The following FGF12 variants were observed in gnomAD, a reference collection of about 807,000 sequenced individuals.
The protein encoded by FGF12 is fibroblast growth factor 12B.
In FGF12, 14 loss-of-function variants were observed where a neutral mutation model predicts 23.6. The observed-to-expected ratio is 0.59, with a 90% CI of 0.39 to 0.93. FGF12 has a LOEUF of 0.93. FGF12 is among the 40% of genes least tolerant of loss of function. FGF12 has a pLI of 0.00. For missense variants in FGF12, 175 were observed against 217.8 expected, an observed-to-expected ratio of 0.80 and a Z score of 1.24; for synonymous variants, 62 against 77.3, an observed-to-expected ratio of 0.80 and a Z score of 1.04.
chr3:192,271,609 A>G (rs992801766), intron 4 of FGF12, among the ~76,000 whole-genome samples: 1 of 152,202 alleles, frequency 6.6e-6, no homozygotes, highest in African/African-American at 2.4e-5. Flanking sequence ...TACTAATGGT[A>G]TCTTCCAACC....
At chr3:192,482,050 GCTA>G (rs1209990695) in intron 2 of FGF12, among the ~76,000 whole-genome samples, 3 of 152,144 alleles carry the variant, frequency 2.0e-5, no homozygotes. Flanking sequence ...CCCAATGTTT[GCTA>G]CTATGTCATT....
intron 4 of FGF12, chr3:192,268,550 G>C: frequency 9.3e-6 from 2 of 215,622 alleles, no homozygotes; most frequent in Admixed American, 4.5e-5. Flanking sequence ...TCATCCCCTT[G>C]ATGATAAGTG....
rs72302822 is a variant in FGF12 at position 192,256,439 on chromosome 3, TTA to T, written c.228+78920_228+78921del. Among the ~76,000 whole-genome samples, 1,256 of 151,808 alleles carry T rather than the reference TTA, an allele frequency of 8.3e-3. 14 individuals carry two copies. The highest frequency in any genetic ancestry group is 0.029 in the African/African-American group (1,211 of 41,478). ...GTTACTGTATAGATATTTACATATT[TTA>T]TGTTTACTTATAAATATAAATTGTA... On this transcript the variant is annotated intron_variant, in intron 4 of 5. Coordinates refer to ENST00000445105, the MANE Select transcript of FGF12 (RefSeq NM_004113.6).
At chr3:192,179,201 A>G (rs945214862) in intron 4 of FGF12, among the ~76,000 whole-genome samples, 1 of 152,166 alleles carries the variant, frequency 6.6e-6, no homozygotes, top group African/African-American at 2.4e-5. Context: ...TGACTAGAAC[A>G]AGTCTAATTT....
chr3:192,340,453 GCAATCCCAGTAAA>G (rs1396348824), intron 3 of FGF12, among the ~76,000 whole-genome samples: 1 of 152,064 alleles, frequency 6.6e-6, no homozygotes, highest in Non-Finnish European at 1.5e-5. Flanking sequence ...GTGTATATTA[GCAATCCCAGTAAA>G]CATTTGCAGA....
chr3:192,621,690 C>CAAAAAAAAAA (rs5855441), intron 2 of FGF12, among the ~76,000 whole-genome samples: 116 of 94,214 alleles, frequency 1.2e-3, no homozygotes, highest in African/African-American at 3.0e-3. Flanking sequence ...GATACAAATA[C>CAAAAAAAAAA]AAAAAAAAAA....
intron 2 of FGF12, among the ~76,000 whole-genome samples, chr3:192,418,401 T>C (rs988289208): frequency 1.3e-5 from 2 of 152,056 alleles, no homozygotes; most frequent in Admixed American, 1.3e-4. Context: ...AGTCAAGAAG[T>C]TGTTGGGTTT....
chr3:192,715,676 A>G (rs964512375), intron 2 of FGF12, among the ~76,000 whole-genome samples: 5 of 152,202 alleles, frequency 3.3e-5, no homozygotes, highest in African/African-American at 1.2e-4. Flanking sequence ...CACACAGACA[A>G]TGTGATGGTA....
chr3:192,609,597 A>C (rs1276070728), intron 2 of FGF12, among the ~76,000 whole-genome samples: 2 of 152,026 alleles, frequency 1.3e-5, no homozygotes, highest in African/African-American at 4.8e-5. Context: ...TCATTATTAC[A>C]CTACTCTGAA....
intron 2 of FGF12, among the ~76,000 whole-genome samples, chr3:192,711,670 CAT>C (rs1718687090): frequency 6.6e-6 from 1 of 152,136 alleles, no homozygotes; most frequent in African/African-American, 2.4e-5. Context: ...CTCTCTGAAA[CAT>C]GTACCGTGTC....
chr3:192,237,782 A>AT (rs1021078476), intron 4 of FGF12, among the ~76,000 whole-genome samples: 10 of 152,158 alleles, frequency 6.6e-5, no homozygotes, highest in African/African-American at 2.4e-4. Flanking sequence ...TCCTGTAACT[A>AT]TATGTGGTTC....
intron 4 of FGF12, among the ~76,000 whole-genome samples, chr3:192,188,735 G>A (rs1716624497): frequency 6.6e-6 from 1 of 152,168 alleles, no homozygotes. Context: ...TCATTTCTAT[G>A]AGCGTTGGAC....
At chr3:192,292,065 A>G (rs939804170) in intron 4 of FGF12, among the ~76,000 whole-genome samples, 1 of 152,208 alleles carries the variant, frequency 6.6e-6, no homozygotes, top group Non-Finnish European at 1.5e-5. Context: ...CCAAAATATG[A>G]AAATGGCTAA....
rs1179863301 is a variant in FGF12 at position 192,168,169 on chromosome 3, C to T, written c.427+2289G>A. On this transcript the variant is annotated intron_variant, in intron 5 of 5. Transcript: ENST00000445105. Reference sequence around the variant, plus strand: ...GTGGATTTCTTTTCTTCATACTTTCCTAAATTTTCCAAAATTGTTAATGAC... The same window carrying T: ...GTGGATTTCTTTTCTTCATACTTTCTTAAATTTTCCAAAATTGTTAATGAC... Among the ~76,000 whole-genome samples, 3 of 151,936 alleles carry T rather than the reference C, an allele frequency of 2.0e-5. No individual in the cohort carries two copies. The South Asian group carries it at 6.2e-4, about 32-fold the overall frequency.
chr3:192,214,114 G>A (rs762047704), intron 4 of FGF12, among the ~76,000 whole-genome samples: 16 of 152,110 alleles, frequency 1.1e-4, no homozygotes, highest in East Asian at 1.9e-4. Flanking sequence ...CTTTTCCTTC[G>A]ACAGAGACGG....
chr3:192,520,963 C>T (rs761864948), intron 2 of FGF12, among the ~76,000 whole-genome samples: 1 of 152,134 alleles, frequency 6.6e-6, no homozygotes, highest in Non-Finnish European at 1.5e-5. Flanking sequence ...GTAGAAAACA[C>T]TGCTAACCAA....
At chr3:192,449,377 G>T (rs114326854) in intron 2 of FGF12, among the ~76,000 whole-genome samples, 7,225 of 152,178 alleles carry the variant, frequency 0.047, 589 homozygotes, top group African/African-American at 0.16. Flanking sequence ...AGAATGTGAA[G>T]CCCCTTGGTA....
intron 2 of FGF12, among the ~76,000 whole-genome samples, chr3:192,367,764 C>T (rs1046445074): frequency 1.3e-5 from 2 of 152,142 alleles, no homozygotes; most frequent in Non-Finnish European, 2.9e-5. Context: ...AAGGATAAGG[C>T]TGAAGACGTG....
At chr3:192,422,376 G>A (rs765966681) in intron 2 of FGF12, among the ~76,000 whole-genome samples, 24 of 152,126 alleles carry the variant, frequency 1.6e-4, no homozygotes, top group Admixed American at 2.6e-4. Flanking sequence ...AGTGCTCACC[G>A]ACATCATATT....
Sources: gnomAD v4.1 joint callset for allele counts (sites outside exome capture counted in the v4.1 genomes callset) on GRCh38, gnomAD v4.1.1 for gene constraint, MANE v1.5 for transcripts, NCBI Gene and HGNC (gene_info 2026-07-23, HGNC 2026-07-21) for gene names.